FGF14: variants seen among roughly 807,000 people sequenced by gnomAD.
FGF14 encodes the protein fibroblast growth factor homologous factor 4.
A neutral mutation model predicts 25.5 loss-of-function variants in FGF14; 5 were observed. That is an observed-to-expected ratio of 0.20 (90% CI 0.10 to 0.41). The LOEUF is 0.41. Among genes scored for constraint, FGF14 ranks in the 10% least tolerant of loss-of-function variants. The pLI, the probability that FGF14 is intolerant of heterozygous loss-of-function variation, is 1.00. For synonymous variants in FGF14, 138 were observed against 118.3 expected, an observed-to-expected ratio of 1.17 and a Z score of -1.08; for missense variants, 222 against 320.1, an observed-to-expected ratio of 0.69 and a Z score of 2.34.
intron 1 of FGF14, among the ~76,000 whole-genome samples, chr13:102,256,275 G>A (rs1029826098): frequency 2.0e-5 from 3 of 151,968 alleles, no homozygotes; most frequent in Non-Finnish European, 2.9e-5. Context: ...TTGGAAGACC[G>A]AGAGCTTAGC....
chr13:102,063,982 A>T (rs961540300), intron 1 of FGF14, among the ~76,000 whole-genome samples: 2 of 152,204 alleles, frequency 1.3e-5, no homozygotes, highest in Admixed American at 1.3e-4. Context: ...AGTAAACCAT[A>T]CTTGCTATAA....
intron 1 of FGF14, among the ~76,000 whole-genome samples, chr13:101,885,967 C>T (rs1207643225): frequency 6.6e-6 from 1 of 152,000 alleles, no homozygotes; most frequent in Non-Finnish European, 1.5e-5. Flanking sequence ...TATTTCAAAC[C>T]AGTTTTAAAA....
At chr13:101,793,802 AT>A (rs2040370769) in intron 3 of FGF14, among the ~76,000 whole-genome samples, 1 of 152,092 alleles carries the variant, frequency 6.6e-6, no homozygotes, top group African/African-American at 2.4e-5. Context: ...GTTTGAGATC[AT>A]TTGCTAAACC....
At chr13:101,878,831 A>ATTTGTG (rs2138775755) in intron 1 of FGF14, among the ~76,000 whole-genome samples, 1 of 152,228 alleles carries the variant, frequency 6.6e-6, no homozygotes, top group East Asian at 1.9e-4. Context: ...ACAAACATGT[A>ATTTGTG]TTAATGTAAT....
intron 1 of FGF14, among the ~76,000 whole-genome samples, chr13:102,208,442 A>G (rs142436054): frequency 6.6e-6 from 1 of 152,348 alleles, no homozygotes; most frequent in African/African-American, 2.4e-5. Context: ...ACATATTAGC[A>G]GATCACACAC....
At chr13:102,175,373 A>G (rs1054454831) in intron 1 of FGF14, among the ~76,000 whole-genome samples, 4 of 152,140 alleles carry the variant, frequency 2.6e-5, no homozygotes, top group Admixed American at 6.5e-5. Flanking sequence ...TGGTGCTGGG[A>G]AAACTAGCTA....
intron 1 of FGF14, among the ~76,000 whole-genome samples, chr13:101,924,159 T>A (rs1384531801): frequency 6.6e-6 from 1 of 152,082 alleles, no homozygotes; most frequent in Non-Finnish European, 1.5e-5. Context: ...CCAAGAAAGT[T>A]TGAGAAAGGA....
upstream of FGF14, among the ~76,000 whole-genome samples, chr13:101,917,164 G>A (rs1300692797): frequency 1.3e-5 from 2 of 151,590 alleles, no homozygotes; most frequent in Non-Finnish European, 2.9e-5. Context: ...CTGCCCGCGG[G>A]CCGGTGCCGC....
intron 1 of FGF14, among the ~76,000 whole-genome samples, chr13:102,021,568 G>A (rs1381214855): frequency 1.3e-5 from 2 of 151,900 alleles, no homozygotes; most frequent in Non-Finnish European, 2.9e-5. Flanking sequence ...AGAGATGCCA[G>A]GTATCTGGCA....
At chr13:102,255,423 C>T (rs1268957359) in intron 1 of FGF14, among the ~76,000 whole-genome samples, 2 of 151,718 alleles carry the variant, frequency 1.3e-5, no homozygotes, top group Non-Finnish European at 2.9e-5. Context: ...GATTATCACA[C>T]AATAAAGAAA....
intron 1 of FGF14, among the ~76,000 whole-genome samples, chr13:102,085,139 C>T (rs904360590): frequency 2.6e-5 from 4 of 152,194 alleles, no homozygotes; most frequent in African/African-American, 9.7e-5. Context: ...GCAATACACG[C>T]TCTACATACT....
intron 3 of FGF14, among the ~76,000 whole-genome samples, chr13:101,823,428 A>G (rs937909993): frequency 1.3e-5 from 2 of 149,518 alleles, no homozygotes; most frequent in Non-Finnish European, 3.0e-5. Context: ...ATATATACAC[A>G]TATATCTTTA....
At position 102,217,462 on chromosome 13, in the gene FGF14, A is replaced by G. The variant is rs543093913; in HGVS notation, c.208+184009T>C. Among the ~76,000 whole-genome samples the G allele has an allele frequency of 2.0e-5, 3 of 152,346 alleles. No homozygotes were observed. The South Asian group carries it at 6.2e-4, about 32-fold the overall frequency. On this transcript the variant is annotated intron_variant, in intron 1 of 4. Transcript: ENST00000376131. The stretch of plus-strand genomic sequence containing the variant: ...GTGTTACAACAACTGTGCAGAAAAT[A>G]CCTCAATTTACTATTAGCTAAAAAA...
intron 1 of FGF14, among the ~76,000 whole-genome samples, chr13:102,207,635 A>T (rs867727406): frequency 0.01 from 1,566 of 151,178 alleles, 32 homozygotes; most frequent in African/African-American, 0.035. Context: ...AAAAAAAAAA[A>T]AAAAAAAAAA....
intron 1 of FGF14, among the ~76,000 whole-genome samples, chr13:102,157,008 T>G (rs984749213): frequency 1.3e-5 from 2 of 152,130 alleles, no homozygotes; most frequent in Non-Finnish European, 2.9e-5. Context: ...AAATAAAAGA[T>G]GACACAAACA....
intron 1 of FGF14, among the ~76,000 whole-genome samples, chr13:102,117,082 C>A (rs932222874): frequency 6.6e-6 from 1 of 152,156 alleles, no homozygotes; most frequent in Admixed American, 6.6e-5. Flanking sequence ...GTTTTGCCTC[C>A]GATCCCCAGG....
chr13:101,804,355 G>T (rs2041076491), intron 3 of FGF14, among the ~76,000 whole-genome samples: 1 of 152,152 alleles, frequency 6.6e-6, no homozygotes, highest in Non-Finnish European at 1.5e-5. Flanking sequence ...GGATCACAAT[G>T]CATCCCAAAG....
At chr13:101,877,034 T>G (rs901463483) in intron 1 of FGF14, among the ~76,000 whole-genome samples, 17 of 152,188 alleles carry the variant, frequency 1.1e-4, no homozygotes, top group Non-Finnish European at 1.0e-4. Flanking sequence ...ACAATTTTTC[T>G]GTAAAACTTT....
chr13:102,075,987 A>G (rs2043345558), intron 1 of FGF14, among the ~76,000 whole-genome samples: 1 of 152,234 alleles, frequency 6.6e-6, no homozygotes, highest in South Asian at 2.1e-4. Context: ...TTTGTGGTCT[A>G]AGCTAAGTGT....
Sources: allele counts gnomAD v4.1 joint callset (sites outside exome capture counted in the v4.1 genomes callset), GRCh38; gene constraint gnomAD v4.1.1; transcripts MANE v1.5; gene names NCBI Gene and HGNC (gene_info 2026-07-23, HGNC 2026-07-21).